The following FRMD5 variants were observed in gnomAD, a reference collection of about 807,000 sequenced individuals.
The protein encoded by FRMD5 is FERM domain-containing protein 5.
FRMD5 carries 20 observed loss-of-function variants against 69.0 expected under a neutral mutation model. The ratio of observed to expected loss-of-function variants is 0.29; its 90% CI spans 0.20 to 0.42. FRMD5 has a LOEUF of 0.42. Ranked by LOEUF, FRMD5 falls within the 10% of genes least tolerant of loss-of-function variation. The pLI is 1.00. For synonymous variants in FRMD5, 271 were observed against 260.1 expected, an observed-to-expected ratio of 1.04 and a Z score of -0.40; for missense variants, 595 against 708.6, an observed-to-expected ratio of 0.84 and a Z score of 1.82.
chr15:43,927,977 G>A (rs903042611), intron 1 of FRMD5, among the ~76,000 whole-genome samples: 3 of 151,960 alleles, frequency 2.0e-5, no homozygotes, highest in Non-Finnish European at 4.4e-5. Context: ...GCTCTTAGCT[G>A]GTAAGAACCC....
intron 1 of FRMD5, among the ~76,000 whole-genome samples, chr15:44,155,540 T>C (rs2140484440): frequency 6.6e-6 from 1 of 152,244 alleles, no homozygotes; most frequent in East Asian, 1.9e-4. Flanking sequence ...TCCATTCCTT[T>C]ATCAAAAAAA....
chr15:43,888,101 C>T, intron 10 of FRMD5, 74 bp downstream of exon 10: 2 of 1,194,208 alleles, frequency 1.7e-6, no homozygotes, highest in Admixed American at 1.9e-5. Context: ...TTCCTGGGCA[C>T]TTGGCCTCCT....
chr15:44,181,674 G>T (rs967641763), intron 1 of FRMD5, among the ~76,000 whole-genome samples: 1 of 152,088 alleles, frequency 6.6e-6, no homozygotes, highest in Non-Finnish European at 1.5e-5. Context: ...TGTTGACGTG[G>T]GAGGATTACT....
chr15:43,909,466 G>C (rs1028767693), intron 5 of FRMD5, among the ~76,000 whole-genome samples: 2 of 151,070 alleles, frequency 1.3e-5, no homozygotes, highest in Admixed American at 1.3e-4. Flanking sequence ...GTTAGATACT[G>C]TTTGTTTGTT....
At chr15:43,922,605 G>T (rs923038189) in intron 2 of FRMD5, among the ~76,000 whole-genome samples, 2 of 151,040 alleles carry the variant, frequency 1.3e-5, no homozygotes, top group South Asian at 4.2e-4. Context: ...GATACAATTC[G>T]CCTTTTTTTC....
chr15:43,922,213 G>T (rs570908984), intron 2 of FRMD5, among the ~76,000 whole-genome samples: 23 of 152,328 alleles, frequency 1.5e-4, no homozygotes, highest in Admixed American at 3.9e-4. Context: ...AGTCAAACAG[G>T]TCTGAGCTCG....
intron 1 of FRMD5, among the ~76,000 whole-genome samples, chr15:43,950,225 G>A (rs2090006051): frequency 6.6e-6 from 1 of 152,184 alleles, no homozygotes; most frequent in South Asian, 2.1e-4. Context: ...TGTATTAGAT[G>A]TGCTTCTGTA....
At chr15:43,896,096 G>C (rs936285363) in intron 7 of FRMD5, among the ~76,000 whole-genome samples, 6 of 152,176 alleles carry the variant, frequency 3.9e-5, no homozygotes, top group African/African-American at 1.2e-4. Context: ...CCACAGGACT[G>C]AGCCATTAAT....
At chr15:44,054,628 G>T (rs1353000862) in intron 1 of FRMD5, among the ~76,000 whole-genome samples, 1 of 152,026 alleles carries the variant, frequency 6.6e-6, no homozygotes, top group Non-Finnish European at 1.5e-5. Context: ...CTATTCTTTG[G>T]AGAATATATT....
At chr15:44,043,374 T>C (rs75766877) in intron 1 of FRMD5, among the ~76,000 whole-genome samples, 1 of 152,164 alleles carries the variant, frequency 6.6e-6, no homozygotes, top group South Asian at 2.1e-4. Context: ...GAATGAATGC[T>C]ATCCACATGA....
At chr15:44,070,413 T>G (rs1274453207) in intron 1 of FRMD5, among the ~76,000 whole-genome samples, 1 of 151,740 alleles carries the variant, frequency 6.6e-6, no homozygotes. Context: ...AAATAATGCT[T>G]GAACAAAAGC....
chr15:44,177,436 T>C (rs960121863), intron 1 of FRMD5, among the ~76,000 whole-genome samples: 2 of 152,106 alleles, frequency 1.3e-5, no homozygotes, highest in East Asian at 1.9e-4. Context: ...TGAAAAACAT[T>C]ATACTAAGTG....
intron 1 of FRMD5, among the ~76,000 whole-genome samples, chr15:44,120,822 C>T (rs1336652321): frequency 6.6e-6 from 1 of 151,946 alleles, no homozygotes; most frequent in Non-Finnish European, 1.5e-5. Flanking sequence ...GCCACCGTGC[C>T]CAGCCGGGAA....
rs1439646362 is a variant in FRMD5 at position 43,919,359 on chromosome 15, A to G, written c.329+100T>C. On this transcript the variant is annotated intron_variant, in intron 4 of 13. Coordinates refer to ENST00000417257, the MANE Select transcript of FRMD5 (RefSeq NM_032892.5). The stretch of plus-strand genomic sequence containing the variant: ...TTAGGAAGAGTTCCTTGCCTCTAAG[A>G]GTTAGGCGCTTCCAAATGAGAGGCT... 4.1e-6 allele frequency: 4 copies of G among 972,892 alleles called. No individual in the cohort carries two copies. In the African/African-American group the frequency reaches 6.4e-5, roughly 16 times the overall value. The allele number at this position is 972,892 out of a possible 1,614,324, so 60.3% of individuals were successfully genotyped here.
intron 1 of FRMD5, among the ~76,000 whole-genome samples, chr15:44,187,156 T>C (rs1178440518): frequency 6.6e-6 from 1 of 152,238 alleles, no homozygotes; most frequent in Non-Finnish European, 1.5e-5. Flanking sequence ...AAACTGATCC[T>C]GAAGAGAAGA....
chr15:44,003,619 A>G (rs1890310013), intron 1 of FRMD5, among the ~76,000 whole-genome samples: 2 of 152,140 alleles, frequency 1.3e-5, no homozygotes, highest in African/African-American at 2.4e-5. Context: ...GCCCTTGGCT[A>G]TGATTCCTCT....
intron 1 of FRMD5, among the ~76,000 whole-genome samples, chr15:44,179,441 A>C (rs1182591719): frequency 6.6e-6 from 1 of 152,246 alleles, no homozygotes; most frequent in African/African-American, 2.4e-5. Flanking sequence ...ATACATAAAA[A>C]ACAAAAGCTC....
intron 1 of FRMD5, among the ~76,000 whole-genome samples, chr15:44,157,749 G>A (rs2140490504): frequency 6.6e-6 from 1 of 152,116 alleles, no homozygotes; most frequent in Non-Finnish European, 1.5e-5. Context: ...AAATGAAAGA[G>A]TACAATTCAG....
intron 1 of FRMD5, among the ~76,000 whole-genome samples, chr15:43,966,118 C>T (rs2090291105): frequency 6.6e-6 from 1 of 151,952 alleles, no homozygotes; most frequent in South Asian, 2.1e-4. Context: ...TTACGCCTGT[C>T]ACCCCAGCAC....
Sources: allele counts gnomAD v4.1 joint callset (sites outside exome capture counted in the v4.1 genomes callset), GRCh38; gene constraint gnomAD v4.1.1; transcripts MANE v1.5; gene names NCBI Gene and HGNC (gene_info 2026-07-23, HGNC 2026-07-21).